Variants in RAD51C observed in about 807,000 individuals in gnomAD.
RAD51C encodes the protein DNA repair protein RAD51 homolog 3.
Under a neutral mutation model 45.0 loss-of-function variants are expected in RAD51C, and 42 were observed. That is an observed-to-expected ratio of 0.93 (90% CI 0.73 to 1.21). The LOEUF (loss-of-function observed/expected upper bound fraction) is 1.21, where lower values mean the gene tolerates loss of function less well. Among genes scored for constraint, RAD51C ranks in the 50% most tolerant of loss-of-function variants. The pLI, the probability that RAD51C is intolerant of heterozygous loss-of-function variation, is 0.00. For missense variants in RAD51C, 474 were observed against 452.2 expected, an observed-to-expected ratio of 1.05 and a Z score of -0.44; for synonymous variants, 172 against 159.8, an observed-to-expected ratio of 1.08 and a Z score of -0.58.
intron 5 of RAD51C, among the ~76,000 whole-genome samples, chr17:58,710,557 G>A (rs1020031529): frequency 5.3e-5 from 8 of 150,064 alleles, no homozygotes; most frequent in African/African-American, 2.0e-4. Flanking sequence ...GTTAATTGCA[G>A]TGTCTTCTTT....
intron 7 of RAD51C, among the ~76,000 whole-genome samples, chr17:58,725,161 C>T (rs774224226): frequency 9.9e-5 from 15 of 151,998 alleles, no homozygotes; most frequent in Non-Finnish European, 1.9e-4. Flanking sequence ...GACTGTCGCC[C>T]CCTAATTTAA....
At chr17:58,702,117 T>G (rs897503820) in intron 3 of RAD51C, among the ~76,000 whole-genome samples, 3 of 151,762 alleles carry the variant, frequency 2.0e-5, no homozygotes, top group African/African-American at 7.3e-5. Flanking sequence ...CACCTTAACC[T>G]CCTGAGTAGC....
chr17:58,723,634 G>C (rs2049001750), intron 6 of RAD51C, among the ~76,000 whole-genome samples: 2 of 151,436 alleles, frequency 1.3e-5, no homozygotes, highest in African/African-American at 4.9e-5. Context: ...CATCCATGTT[G>C]ATGTGTGACA....
In RAD51C at chr17:58,692,777, A is replaced by C. The variant is rs587781383; in HGVS notation, c.134A>C (p.Glu45Ala). The change falls in exon 1 of 9, where the codon GAG (glutamate) becomes GCG (alanine). Residue 45 changes from glutamate (E) to alanine (A), a missense_variant. Coordinates refer to ENST00000337432, the MANE Select transcript of RAD51C (RefSeq NM_058216.3). ...AEELLEVKPS[E>A]LSKEVGISKA... ...GAACTCCTAGAGGTGAAACCCTCCG[A>C]GCTTAGCAAAGGTAACGACTCCTGA... 3 of 1,614,080 alleles carry C rather than the reference A, an allele frequency of 1.9e-6. No individual in the cohort carries two copies. The highest frequency in any genetic ancestry group is 2.5e-6 in the Non-Finnish European group (3 of 1,180,038).
chr17:58,693,421 C>G (rs2047867879), intron 1 of RAD51C: 1 of 156,908 alleles, frequency 6.4e-6, no homozygotes, highest in African/African-American at 2.4e-5. Context: ...ACTTGTTGTG[C>G]ACATCTCTCT....
intron 5 of RAD51C, among the ~76,000 whole-genome samples, chr17:58,712,978 T>G (rs933770483): frequency 2.6e-5 from 4 of 152,016 alleles, no homozygotes; most frequent in Admixed American, 2.6e-4. Flanking sequence ...AAAAAAATCT[T>G]AGCCAAGCAT....
chr17:58,710,014 G>A, intron 5 of RAD51C, 24 bp downstream of exon 5: 1 of 1,598,062 alleles, frequency 6.3e-7, no homozygotes, highest in Non-Finnish European at 8.6e-7. Flanking sequence ...AGTGAAGAGA[G>A]TTTTATAACA....
chr17:58,726,587 GATGTATATATGTATATACGTGT>G (rs965070898), intron 7 of RAD51C, among the ~76,000 whole-genome samples: 2 of 119,964 alleles, frequency 1.7e-5, no homozygotes, highest in Non-Finnish European at 3.9e-5. Context: ...TATACATATA[GATGTATATATGTATATACGTGT>G]ATGTATATAT....
At chr17:58,731,993 A>T (rs1236557841) in intron 7 of RAD51C, among the ~76,000 whole-genome samples, 2 of 152,142 alleles carry the variant, frequency 1.3e-5, no homozygotes, top group Non-Finnish European at 2.9e-5. Flanking sequence ...AGCAATAATT[A>T]AAAAAACATG....
At chr17:58,733,519 T>C (rs998511605) in intron 8 of RAD51C, among the ~76,000 whole-genome samples, 1 of 152,216 alleles carries the variant, frequency 6.6e-6, no homozygotes, top group Non-Finnish European at 1.5e-5. Flanking sequence ...TTATTTCCTT[T>C]TACTTCTAAC....
In RAD51C at chr17:58,694,975, A is replaced by G. The variant is rs770335248; in HGVS notation, c.190A>G (p.Ile64Val). 1 of 1,614,202 alleles carries G rather than the reference A, an allele frequency of 6.2e-7. No individual in the cohort carries two copies. Among genetic ancestry groups the G allele is most frequent in the East Asian group, 2.2e-5 (1 of 44,878 alleles). ...AGAAGCCTTAGAAACTCTGCAAATT[A>G]TCAGAAGAGAATGTCTCACAAATAA... Reference protein sequence around the residue: ...KAEALETLQIIRRECLTNKPR... With the variant: ...KAEALETLQIVRRECLTNKPR... The change falls in exon 2 of 9, where the codon ATC becomes GTC. Residue 64 changes from isoleucine (I) to valine (V), a missense_variant. Ile to Val is a conservative substitution (Grantham distance 29, BLOSUM62 3). Transcript: ENST00000337432.
chr17:58,727,180 A>C (rs2049195535), intron 7 of RAD51C, among the ~76,000 whole-genome samples: 1 of 146,536 alleles, frequency 6.8e-6, no homozygotes. Flanking sequence ...GCTGGGGTGC[A>C]ATGGCGAGAT....
At position 58,703,195 on chromosome 17, in the gene RAD51C, G is replaced by C. The variant is rs1413872299; in HGVS notation, c.572-1G>C. 1 of 1,611,494 alleles carries C rather than the reference G, an allele frequency of 6.2e-7. No homozygotes were observed. The highest frequency in any genetic ancestry group is 1.3e-5 in the African/African-American group (1 of 74,944). ...TAATTAAGAGTGTTTTGTTGTTTCA[G>C]AACACCGAAAAGCTTTGGAGGATTT... On this transcript the variant is annotated splice_acceptor_variant, in intron 3 of 8. Coordinates refer to ENST00000337432, the MANE Select transcript of RAD51C (RefSeq NM_058216.3). LOFTEE classifies it high-confidence loss of function.
At chr17:58,697,007 C>T (rs1329095582) in intron 3 of RAD51C, 148 bp downstream of exon 3, 7 of 1,007,792 alleles carry the variant, frequency 6.9e-6, no homozygotes, top group African/African-American at 3.2e-5. Context: ...ACTACTGTTA[C>T]AAAATGAGAA....
chr17:58,719,148 C>T (rs558035999), intron 5 of RAD51C, among the ~76,000 whole-genome samples: 4 of 151,888 alleles, frequency 2.6e-5, no homozygotes, highest in South Asian at 2.1e-4. Context: ...AGCTTGAACC[C>T]GGGAGGCGGA....
intron 3 of RAD51C, among the ~76,000 whole-genome samples, chr17:58,700,406 G>A (rs914886356): frequency 1.3e-5 from 2 of 152,076 alleles, no homozygotes; most frequent in African/African-American, 2.4e-5. Context: ...TAGAGTAGGT[G>A]TAGCACTAGG....
Position 58,692,725 on chromosome 17 carries a change from G to A in RAD51C, c.82G>A (p.Val28Met), listed in dbSNP as rs1060502587. The change falls in exon 1 of 9, where the codon GTG becomes ATG. Residue 28 changes from valine (V) to methionine (M), a missense_variant. Transcript: ENST00000337432. ...GTCTCCAGCGGTGCGGGTGAAGCTG[G>A]TGTCTGCGGGGTTCCAGACTGCTGA... is the stretch of plus-strand genomic sequence containing the variant. ...PLSPAVRVKLVSAGFQTAEEL... is the reference protein window; with the variant it reads ...PLSPAVRVKLMSAGFQTAEEL... The A allele has an allele frequency of 6.8e-6, 11 of 1,614,124 alleles. No homozygotes were observed. Among genetic ancestry groups the A allele is most frequent in the South Asian group, 2.2e-5 (2 of 91,090 alleles).
intron 3 of RAD51C, among the ~76,000 whole-genome samples, chr17:58,697,064 T>G (rs912000599): frequency 3.3e-5 from 5 of 152,156 alleles, no homozygotes; most frequent in African/African-American, 4.8e-5. Flanking sequence ...TTTATGGCCC[T>G]CACTTCTTCC....
chr17:58,702,829 C>T (rs557226880), intron 3 of RAD51C, among the ~76,000 whole-genome samples: 4 of 152,246 alleles, frequency 2.6e-5, no homozygotes, highest in Non-Finnish European at 5.9e-5. Flanking sequence ...TGCCACTGTG[C>T]TCCAGCCTGG....
Sources: gnomAD v4.1 joint callset for allele counts (sites outside exome capture counted in the v4.1 genomes callset) on GRCh38, gnomAD v4.1.1 for gene constraint, MANE v1.5 for transcripts, NCBI Gene and HGNC (gene_info 2026-07-23, HGNC 2026-07-21) for gene names.